LDLRAD3: variants seen among roughly 807,000 people sequenced by gnomAD.
LDLRAD3 encodes the protein low density lipoprotein receptor class A domain containing 3.
LDLRAD3 carries 20 observed loss-of-function variants against 29.4 expected under a neutral mutation model. That is an observed-to-expected ratio of 0.68 (90% CI 0.48 to 0.99). The LOEUF is 0.99. Among genes scored for constraint, LDLRAD3 ranks in the 50% least tolerant of loss-of-function variants. LDLRAD3 has a pLI of 0.00. For missense variants in LDLRAD3, 420 were observed against 454.3 expected (o/e 0.92, Z 0.69); for synonymous variants, 157 against 192.7 (o/e 0.81, Z 1.53).
At chr11:36,177,459 G>C (rs1215609300) in intron 4 of LDLRAD3, among the ~76,000 whole-genome samples, 2 of 152,198 alleles carry the variant, frequency 1.3e-5, no homozygotes, top group African/African-American at 2.4e-5. Context: ...GTCAGAGGAA[G>C]GATTGGGGGT....
intron 2 of LDLRAD3, 56 bp from the exon 3 acceptor site, chr11:36,081,596 TA>T (rs1853114701): frequency 1.9e-6 from 3 of 1,609,332 alleles, no homozygotes; most frequent in Non-Finnish European, 2.6e-6. Flanking sequence ...GTGGGATGAG[TA>T]TGCAGTCATC....
At chr11:35,959,153 A>G (rs1358037957) in intron 1 of LDLRAD3, among the ~76,000 whole-genome samples, 1 of 152,180 alleles carries the variant, frequency 6.6e-6, no homozygotes, top group Non-Finnish European at 1.5e-5. Flanking sequence ...CTTTTCCCAC[A>G]GCTCAGCGCA....
In LDLRAD3 at chr11:36,019,950, A is replaced by G. The variant is rs1456746087; in HGVS notation, c.47-16153A>G. On this transcript the variant is annotated intron_variant, in intron 1 of 5. Transcript: ENST00000315571. ...GGGCCTGGCTCTCTTCCCCTTTAAC[A>G]TGTGTCTGACCTTGATTCCCTGTGA... 2.6e-5 allele frequency among the ~76,000 whole-genome samples: 4 copies of G among 152,022 alleles called. No individual in the cohort carries two copies. In the East Asian group the frequency reaches 5.8e-4, roughly 22 times the overall value.
intron 1 of LDLRAD3, among the ~76,000 whole-genome samples, chr11:35,945,559 C>G (rs1851046425): frequency 6.6e-6 from 1 of 152,142 alleles, no homozygotes; most frequent in African/African-American, 2.4e-5. Context: ...ATTGGGCAGC[C>G]AGGAGCAGGT....
intron 4 of LDLRAD3, among the ~76,000 whole-genome samples, chr11:36,164,486 T>G (rs7117510): frequency 0.13 from 20,445 of 152,132 alleles, 1,853 homozygotes; most frequent in East Asian, 0.32. Context: ...AAAGCGAGAG[T>G]TGGTAGCTTT....
intron 1 of LDLRAD3, among the ~76,000 whole-genome samples, chr11:36,033,303 G>A (rs1223739641): frequency 6.6e-6 from 1 of 152,176 alleles, no homozygotes; most frequent in African/African-American, 2.4e-5. Context: ...CAGGCCCCAG[G>A]ATCCCTGGTC....
intron 1 of LDLRAD3, among the ~76,000 whole-genome samples, chr11:35,987,311 G>A (rs1237510074): frequency 2.0e-5 from 3 of 152,216 alleles, no homozygotes; most frequent in East Asian, 1.9e-4. Flanking sequence ...GTAACATGAG[G>A]GTATTGCAAG....
intron 4 of LDLRAD3, among the ~76,000 whole-genome samples, chr11:36,212,551 C>CA (rs34139512): frequency 0.08 from 9,826 of 123,136 alleles, 1,077 homozygotes; most frequent in African/African-American, 0.26. Context: ...GACCCTGTCT[C>CA]AAAAAAAAAA....
rs564672740 is a variant in LDLRAD3 at position 36,116,390 on chromosome 11, T to G, written c.454+17929T>G. ...AAAAAAAGGAAATACCAGTGGAATG[T>G]TCACATATAGCTGGGGGTGAAACCG... is the stretch of plus-strand genomic sequence containing the variant. On this transcript the variant is annotated intron_variant, in intron 4 of 5. Transcript: ENST00000315571. Among the ~76,000 whole-genome samples, 4 of 152,266 alleles carry G rather than the reference T, an allele frequency of 2.6e-5. No individual in the cohort carries two copies. The South Asian group carries it at 6.2e-4, about 24-fold the overall frequency.
chr11:36,084,014 G>A (rs1853159216), intron 3 of LDLRAD3, among the ~76,000 whole-genome samples: 1 of 152,038 alleles, frequency 6.6e-6, no homozygotes, highest in Non-Finnish European at 1.5e-5. Flanking sequence ...AACCTCCTGG[G>A]CTCAGCTAAT....
chr11:36,052,934 T>A, intron 2 of LDLRAD3, among the ~76,000 whole-genome samples: 1 of 151,512 alleles, frequency 6.6e-6, no homozygotes, highest in African/African-American at 2.4e-5. Flanking sequence ...CCAATCAGGA[T>A]TTGCTAGGAC....
chr11:36,095,180 T>C (rs1853341114), intron 3 of LDLRAD3, among the ~76,000 whole-genome samples: 1 of 152,200 alleles, frequency 6.6e-6, no homozygotes, highest in Non-Finnish European at 1.5e-5. Context: ...ACCCTGTTTC[T>C]TAAAAAGGAA....
intron 4 of LDLRAD3, among the ~76,000 whole-genome samples, chr11:36,212,626 C>T (rs1367311330): frequency 6.6e-6 from 1 of 152,110 alleles, no homozygotes; most frequent in Non-Finnish European, 1.5e-5. Flanking sequence ...TCTGCAACTG[C>T]CCTGAGTCTG....
chr11:35,956,745 T>A (rs942011191), intron 1 of LDLRAD3, among the ~76,000 whole-genome samples: 1 of 152,230 alleles, frequency 6.6e-6, no homozygotes, highest in African/African-American at 2.4e-5. Flanking sequence ...TTATTTTATT[T>A]ATTTTTTTTG....
In LDLRAD3 at chr11:36,043,109, T is replaced by C. The variant is rs574675191; in HGVS notation, c.193+6860T>C. 5.9e-5 allele frequency among the ~76,000 whole-genome samples: 9 copies of C among 152,292 alleles called. No homozygotes were observed. In the South Asian group the frequency reaches 1.9e-3, roughly 32 times the overall value. ...GGCAGATCGTTTGAGCCCAAGAATTTGAGACCAGCCTGGGCAACATGGTGA... is the reference window on the plus strand; with the variant it reads ...GGCAGATCGTTTGAGCCCAAGAATTCGAGACCAGCCTGGGCAACATGGTGA... On this transcript the variant is annotated intron_variant, in intron 2 of 5. Coordinates refer to ENST00000315571, the MANE Select transcript of LDLRAD3 (RefSeq NM_174902.4).
intron 1 of LDLRAD3, among the ~76,000 whole-genome samples, chr11:35,991,729 T>C (rs1210831329): frequency 6.6e-6 from 1 of 152,200 alleles, no homozygotes; most frequent in Non-Finnish European, 1.5e-5. Context: ...TGGCTGTTAA[T>C]AGCTAAATTA....
intron 2 of LDLRAD3, among the ~76,000 whole-genome samples, chr11:36,039,963 C>T (rs1201450355): frequency 6.6e-6 from 1 of 152,182 alleles, no homozygotes; most frequent in African/African-American, 2.4e-5. Context: ...ATGATGGAAA[C>T]GGCTGATGTG....
At chr11:36,080,649 G>A (rs1853099293) in intron 2 of LDLRAD3, among the ~76,000 whole-genome samples, 1 of 152,160 alleles carries the variant, frequency 6.6e-6, no homozygotes, top group Non-Finnish European at 1.5e-5. Context: ...CAGATTCAGC[G>A]ATTTGCCAGG....
chr11:35,985,634 G>A lies in LDLRAD3; in HGVS notation c.46+41490G>A, dbSNP rs776821140. 5.3e-5 allele frequency among the ~76,000 whole-genome samples: 8 copies of A among 152,082 alleles called. No homozygotes were observed. The South Asian group carries it at 8.3e-4, about 16-fold the overall frequency. ...TGTTGTGGGAGGGATCTGGTGGGAG[G>A]TAACTGAATCACGGGGGCAGGTTTT... On this transcript the variant is annotated intron_variant, in intron 1 of 5. Coordinates refer to ENST00000315571, the MANE Select transcript of LDLRAD3 (RefSeq NM_174902.4).
Sources: gnomAD v4.1 joint callset for allele counts (sites outside exome capture counted in the v4.1 genomes callset) on GRCh38, gnomAD v4.1.1 for gene constraint, MANE v1.5 for transcripts, NCBI Gene and HGNC (gene_info 2026-07-23, HGNC 2026-07-21) for gene names.